KIF13A: variants seen among roughly 807,000 people sequenced by gnomAD.
The protein encoded by KIF13A is kinesin-like protein KIF13A.
Under a neutral mutation model 212.2 loss-of-function variants are expected in KIF13A, and 79 were observed. That is an observed-to-expected ratio of 0.37 (90% CI 0.31 to 0.45). The LOEUF (loss-of-function observed/expected upper bound fraction) is 0.45, where lower values mean the gene tolerates loss of function less well. Ranked by LOEUF, KIF13A falls within the 20% of genes least tolerant of loss-of-function variation. The probability of loss-of-function intolerance (pLI) is 1.00; values close to 1 mark genes in which losing one functional copy is unlikely to be tolerated. For missense variants in KIF13A, 1,901 were observed against 2,209.0 expected (o/e 0.86, Z 2.79); for synonymous variants, 789 against 808.6 (o/e 0.98, Z 0.41).
rs1210394736 is a variant in KIF13A, at chr6:17,765,333, C to A, written c.4582-387G>T. ...TTTTCTCATTAAATGAGCAGAGAAA[C>A]AGGCAGAAGCAGAGAAGAGCCACTC... is the stretch of plus-strand genomic sequence containing the variant. On this transcript the variant is annotated intron_variant, in intron 38 of 38. Coordinates refer to ENST00000259711, the MANE Select transcript of KIF13A (RefSeq NM_022113.6). Among the ~76,000 whole-genome samples, 3 of 152,274 alleles carry A rather than the reference C, an allele frequency of 2.0e-5. No homozygotes were observed. In the East Asian group the frequency reaches 5.8e-4, roughly 29 times the overall value.
intron 2 of KIF13A, among the ~76,000 whole-genome samples, chr6:17,969,946 G>A (rs981453581): frequency 4.0e-5 from 6 of 149,532 alleles, no homozygotes; most frequent in Admixed American, 1.3e-4. Flanking sequence ...TTTTTGAGAC[G>A]GAGTCTCGCT....
At position 17,843,202 on chromosome 6, in the gene KIF13A, G is replaced by A. The variant is rs761866155; in HGVS notation, c.831-5619C>T. 1.2e-4 allele frequency among the ~76,000 whole-genome samples: 19 copies of A among 152,262 alleles called. No individual in the cohort carries two copies. Among genetic ancestry groups the A allele is most frequent in the African/African-American group, 4.3e-4 (18 of 41,544 alleles). ...AAAGCACTCAGTAAATATCTGCAGC[G>A]TTAATCTGAATCTAGATTCAGTGAA... On this transcript the variant is annotated intron_variant, in intron 9 of 38. Transcript: ENST00000259711. The surrounding 1 kb of genome is among the most constrained non-coding windows in gnomAD (Gnocchi z 5.3).
rs1407863633 is a variant in KIF13A at position 17,883,775 on chromosome 6, G to A, written c.160-10338C>T. ...AAAAGAAGAAGGAAGGGGAGAGCCA[G>A]GTGCAATGGTATGCACCTGCAGTCC... On this transcript the variant is annotated intron_variant, in intron 3 of 38. Coordinates refer to ENST00000259711, the MANE Select transcript of KIF13A (RefSeq NM_022113.6). The surrounding 1 kb of genome is among the most constrained non-coding windows in gnomAD (Gnocchi z 4.8). Among the ~76,000 whole-genome samples, 1 of 152,164 alleles carries A rather than the reference G, an allele frequency of 6.6e-6. No homozygotes were observed. Among genetic ancestry groups the A allele is most frequent in the Non-Finnish European group, 1.5e-5 (1 of 68,034 alleles).
chr6:17,924,324 A>AT (rs1342802175), intron 2 of KIF13A, among the ~76,000 whole-genome samples: 1 of 152,112 alleles, frequency 6.6e-6, no homozygotes, highest in African/African-American at 2.4e-5. Context: ...CATTTTAGGG[A>AT]TTTTTCTGAA....
Position 17,987,467 on chromosome 6 carries a change from G to A in KIF13A, c.-4C>T. The A allele has an allele frequency of 1.5e-6, 2 of 1,299,938 alleles. No homozygotes were observed. The highest frequency in any genetic ancestry group is 1.3e-5 in the South Asian group (1 of 75,040). The allele number at this position is 1,299,938 out of a possible 1,614,324, so 80.5% of individuals were successfully genotyped here. On this transcript the variant is annotated 5_prime_UTR_variant, in exon 1 of 39. Transcript: ENST00000259711. This position sits in a 1 kb window ranked among gnomAD's most constrained non-coding sequence, Gnocchi z 7.7. ...CTTTTACCTTGGTATCCGACATGTT[G>A]GCTGCGCTCGCCCGGCCGCTCGCCG...
Position 17,806,404 on chromosome 6 carries a change from T to G in KIF13A, c.2164-789A>C, listed in dbSNP as rs80333458. Among the ~76,000 whole-genome samples the G allele has an allele frequency of 3.4e-3, 515 of 152,358 alleles. 2 individuals are homozygous for G. Among genetic ancestry groups the G allele is most frequent in the African/African-American group, 0.011 (465 of 41,584 alleles). ...ATCTCTATGGACACTTCTATGACTA[T>G]GGGCTTAGAATAAATTTCCCAAAGG... On this transcript the variant is annotated intron_variant, in intron 18 of 38. Coordinates refer to ENST00000259711, the MANE Select transcript of KIF13A (RefSeq NM_022113.6).
chr6:17,928,329 A>C (rs2150531489), intron 2 of KIF13A, among the ~76,000 whole-genome samples: 1 of 152,318 alleles, frequency 6.6e-6, no homozygotes. Context: ...TCTCAGATGA[A>C]GTTCAAGGAA....
rs75572191 is a variant in KIF13A, at chr6:17,888,907, T to C, written c.159+9261A>G. On this transcript the variant is annotated intron_variant, in intron 3 of 38. Coordinates refer to ENST00000259711, the MANE Select transcript of KIF13A (RefSeq NM_022113.6). The surrounding 1 kb of genome is among the most constrained non-coding windows in gnomAD (Gnocchi z 4.8). ...TTAACCAAATATATAAAAAATCTTA[T>C]ATTCTTTTTCTTTCTTGTACCAAGT... 3.9e-4 allele frequency among the ~76,000 whole-genome samples: 59 copies of C among 152,270 alleles called. 1 individual carries two copies. In the South Asian group the frequency reaches 8.5e-3, roughly 22 times the overall value.
rs1222831007 is a variant in KIF13A, at chr6:17,777,380, A to C, written c.4093-26T>G. On this transcript the variant is annotated intron_variant, in intron 33 of 38. Transcript: ENST00000259711. The surrounding 1 kb of genome is among the most constrained non-coding windows in gnomAD (Gnocchi z 4.4). The stretch of plus-strand genomic sequence containing the variant: ...CTGTAAACATAATAATTTGAAAATA[A>C]CACTTTTTTTTTTTTTCCCCAGAGA... The C allele has an allele frequency of 1.3e-6, 2 of 1,532,866 alleles. No homozygotes were observed. Among genetic ancestry groups the C allele is most frequent in the Admixed American group, 4.0e-5 (2 of 49,820 alleles). The allele number at this position is 1,532,866 out of a possible 1,614,324, so 95.0% of individuals were successfully genotyped here. A position where few individuals can be genotyped will look rare whatever the true frequency, so the allele number is the denominator to read the frequency against.
rs1374505811 is a variant in KIF13A, at chr6:17,829,600, C to A, written c.1402-1230G>T. On this transcript the variant is annotated intron_variant, in intron 13 of 38. Transcript: ENST00000259711. The surrounding 1 kb of genome is among the most constrained non-coding windows in gnomAD (Gnocchi z 5.4). ...ACTGTGACTATTGGTGATTCAGCCA[C>A]TGCTTATCCCATTTTTTTCTATTGC... 6.6e-6 allele frequency among the ~76,000 whole-genome samples: 1 copy of A among 152,206 alleles called. No individual in the cohort carries two copies. The highest frequency in any genetic ancestry group is 1.5e-5 in the Non-Finnish European group (1 of 68,034).
chr6:17,954,174 A>G (rs1158716238), intron 2 of KIF13A, among the ~76,000 whole-genome samples: 1 of 151,648 alleles, frequency 6.6e-6, no homozygotes, highest in African/African-American at 2.4e-5. Flanking sequence ...GGTGGCGGGC[A>G]CCTGTAGTCC....
intron 20 of KIF13A, among the ~76,000 whole-genome samples, chr6:17,800,530 G>A (rs911449043): frequency 6.6e-6 from 1 of 151,554 alleles, no homozygotes; most frequent in Admixed American, 6.6e-5. Context: ...TCTGCCTCCT[G>A]AGTTCAAGCG....
downstream of KIF13A, among the ~76,000 whole-genome samples, chr6:17,762,059 A>C (rs1040404853): frequency 6.6e-6 from 1 of 152,058 alleles, no homozygotes; most frequent in African/African-American, 2.4e-5. Flanking sequence ...GAATTTTTTA[A>C]AAATTTTAAT....
chr6:17,905,859 G>A (rs1169192147), intron 2 of KIF13A, among the ~76,000 whole-genome samples: 1 of 152,136 alleles, frequency 6.6e-6, no homozygotes, highest in Admixed American at 6.5e-5. Context: ...CTGGGATGAT[G>A]GTATAGGGAT....
At chr6:17,814,585 C>A (rs902870860) in intron 17 of KIF13A, among the ~76,000 whole-genome samples, 1 of 141,120 alleles carries the variant, frequency 7.1e-6, no homozygotes, top group Non-Finnish European at 1.6e-5. Flanking sequence ...TATTATAACA[C>A]AGGTGTTATT....
rs10456811 is a variant in KIF13A at position 17,826,339 on chromosome 6, A to G, written c.1533-215T>C. On this transcript the variant is annotated intron_variant, in intron 14 of 38. Transcript: ENST00000259711. This position sits in a 1 kb window ranked among gnomAD's most constrained non-coding sequence, Gnocchi z 4.7. ...AACACCCCTCAGAGAATGACAACCT[A>G]ACATGATGCACTCCTGATGGAGACA... is the stretch of plus-strand genomic sequence containing the variant. Among the ~76,000 whole-genome samples, 69,726 of 152,112 alleles carry G rather than the reference A, an allele frequency of 0.46. 16,369 individuals carry two copies. Among genetic ancestry groups the G allele is most frequent in the South Asian group, 0.53 (2,572 of 4,822 alleles).
At position 17,900,951 on chromosome 6, in the gene KIF13A, G is replaced by A. The variant is rs1773006046; in HGVS notation, c.147-2771C>T. Among the ~76,000 whole-genome samples the A allele has an allele frequency of 6.6e-6, 1 of 152,056 alleles. No homozygotes were observed. Among genetic ancestry groups the A allele is most frequent in the East Asian group, 1.9e-4 (1 of 5,154 alleles). On this transcript the variant is annotated intron_variant, in intron 2 of 38. Coordinates refer to ENST00000259711, the MANE Select transcript of KIF13A (RefSeq NM_022113.6). This position sits in a 1 kb window ranked among gnomAD's most constrained non-coding sequence, Gnocchi z 4.6. ...AAATTAGCCGGGCGTGGTGGCGGGT[G>A]CCTGTAGTCCCAGCTACTTGGGAGG...
intron 38 of KIF13A, among the ~76,000 whole-genome samples, chr6:17,765,744 A>G (rs1758885947): frequency 6.6e-6 from 1 of 152,232 alleles, no homozygotes; most frequent in Non-Finnish European, 1.5e-5. Context: ...CAAATGAATG[A>G]TTCTTTTATA....
chr6:17,956,213 T>A (rs1778342735), intron 2 of KIF13A, among the ~76,000 whole-genome samples: 1 of 152,192 alleles, frequency 6.6e-6, no homozygotes, highest in South Asian at 2.1e-4. Context: ...AGGTAACTCA[T>A]CCAGGATCAC....
Sources: allele counts gnomAD v4.1 joint callset (sites outside exome capture counted in the v4.1 genomes callset), GRCh38; gene constraint gnomAD v4.1.1; non-coding constraint Gnocchi (gnomAD v3.1); transcripts MANE v1.5; gene names NCBI Gene and HGNC (gene_info 2026-07-23, HGNC 2026-07-21).